Variants in ACACB observed in about 807,000 individuals in gnomAD.
ACACB encodes acetyl-CoA carboxylase beta, also known as acetyl-CoA carboxylase 2.
A neutral mutation model predicts 278.8 loss-of-function variants in ACACB; 209 were observed. The ratio of observed to expected loss-of-function variants is 0.75; its 90% CI spans 0.67 to 0.84. The LOEUF (loss-of-function observed/expected upper bound fraction) is 0.84. Among genes scored for constraint, ACACB ranks in the 40% least tolerant of loss-of-function variants. The probability of loss-of-function intolerance (pLI) is 0.00; values close to 1 mark genes in which losing one functional copy is unlikely to be tolerated. For missense variants in ACACB, 2,850 were observed against 3,269.0 expected, an observed-to-expected ratio of 0.87 and a Z score of 3.13; for synonymous variants, 1,174 against 1,285.6, an observed-to-expected ratio of 0.91 and a Z score of 1.86.
intron 37 of ACACB, among the ~76,000 whole-genome samples, chr12:109,243,431 T>G (rs1430039186): frequency 6.6e-6 from 1 of 152,108 alleles, no homozygotes; most frequent in Non-Finnish European, 1.5e-5. Flanking sequence ...AAACCCCATC[T>G]CTACTAAAAA....
At chr12:109,185,866 C>A in intron 12 of ACACB, 126 bp downstream of exon 12, 1 of 888,144 alleles carries the variant, frequency 1.1e-6, no homozygotes. Flanking sequence ...AATGGGGAAA[C>A]TGAGGCATGG....
chr12:109,172,354 T>C lies in ACACB; in HGVS notation c.1115T>C (p.Leu372Ser), dbSNP rs2044146992. 1 of 1,614,124 alleles carries C rather than the reference T, an allele frequency of 6.2e-7. No homozygotes were observed. The highest frequency in any genetic ancestry group is 8.5e-7 in the Non-Finnish European group (1 of 1,179,984). The change falls in exon 6 of 53, where the codon TTA (leucine) becomes TCA (serine). Residue 372 changes from leucine to serine, a missense_variant and splice_region_variant. Physicochemically the swap from Leu to Ser is moderately radical, Grantham distance 145. Transcript: ENST00000338432. ...ELLCKNGVAF[L>S]GPPSEAMWAL... ...CTGTGCAAGAATGGAGTTGCTTTCT[T>C]AGGTAGAGTGTGTCCCCATCAGATA...
intron 20 of ACACB, among the ~76,000 whole-genome samples, chr12:109,208,869 GTATC>G (rs2045597323): frequency 6.6e-6 from 1 of 152,188 alleles, no homozygotes; most frequent in South Asian, 2.1e-4. Flanking sequence ...CACTAAGCAA[GTATC>G]CTATAAACAT....
Position 109,239,912 on chromosome 12 carries a change from ACACCAGCGTGCGCACCGACT to A in ACACB, c.4746_4765del (p.Asn1582LysfsTer43). The A allele has an allele frequency of 6.2e-7, 1 of 1,614,140 alleles. No individual in the cohort carries two copies. The highest frequency in any genetic ancestry group is 8.5e-7 in the Non-Finnish European group (1 of 1,180,022). ...GACGAGCTGGAGGTGGCGTTCAATAACACCAGCGTGCGCACCGACTGCAACCACATCTTCCTCAACTTCGT... is the reference window on the plus strand; with the variant it reads ...GACGAGCTGGAGGTGGCGTTCAATAAGCAACCACATCTTCCTCAACTTCGT... On this transcript the variant is annotated frameshift_variant, in exon 35 of 53. Coordinates refer to ENST00000338432, the MANE Select transcript of ACACB (RefSeq NM_001093.4). LOFTEE classifies it high-confidence loss of function.
chr12:109,167,337 C>T, intron 3 of ACACB: 1 of 192,010 alleles, frequency 5.2e-6, no homozygotes, highest in Non-Finnish European at 1.1e-5. Flanking sequence ...AATCCCAGCA[C>T]TTTGGGAGGG....
At chr12:109,182,909 C>G (rs1157943843) in intron 11 of ACACB, among the ~76,000 whole-genome samples, 1 of 152,118 alleles carries the variant, frequency 6.6e-6, no homozygotes, top group Non-Finnish European at 1.5e-5. Context: ...CCAATGTTTT[C>G]TTCTAGTAGT....
chr12:109,149,908 C>T (rs777278982), intron 2 of ACACB, among the ~76,000 whole-genome samples: 2 of 152,180 alleles, frequency 1.3e-5, no homozygotes, highest in African/African-American at 4.8e-5. Flanking sequence ...GAGCACAACA[C>T]GCTGGTGGCT....
intron 28 of ACACB, among the ~76,000 whole-genome samples, chr12:109,230,331 C>T (rs2046431682): frequency 6.6e-6 from 1 of 152,198 alleles, no homozygotes; most frequent in African/African-American, 2.4e-5. Flanking sequence ...GGACTGACTG[C>T]TTGCAGCCTG....
At chr12:109,190,300 C>A (rs55769293) in intron 13 of ACACB, among the ~76,000 whole-genome samples, 11 of 152,112 alleles carry the variant, frequency 7.2e-5, no homozygotes, top group African/African-American at 2.2e-4. Flanking sequence ...GTTGGTCAGG[C>A]TGGTCTCGAA....
chr12:109,217,561 G>T (rs892353198), intron 24 of ACACB, among the ~76,000 whole-genome samples: 3 of 152,146 alleles, frequency 2.0e-5, no homozygotes, highest in Admixed American at 6.5e-5. Context: ...CACTTTGGGT[G>T]GCTGAGGCAG....
intron 2 of ACACB, among the ~76,000 whole-genome samples, chr12:109,144,946 A>G (rs928799488): frequency 2.0e-5 from 3 of 151,802 alleles, no homozygotes; most frequent in Non-Finnish European, 4.4e-5. Context: ...TATTTTTAGT[A>G]GAGATGGGGT....
chr12:109,210,382 C>CAT (rs1320019521), intron 21 of ACACB, among the ~76,000 whole-genome samples: 4 of 113,340 alleles, frequency 3.5e-5, no homozygotes, highest in African/African-American at 1.5e-4. Flanking sequence ...CACGCACACA[C>CAT]ATGTGTATAT....
chr12:109,220,110 TATC>T (rs1289990086), intron 24 of ACACB, among the ~76,000 whole-genome samples: 1 of 152,152 alleles, frequency 6.6e-6, no homozygotes, highest in African/African-American at 2.4e-5. Context: ...AGTCATGAAA[TATC>T]ATGTACACCA....
intron 28 of ACACB, among the ~76,000 whole-genome samples, chr12:109,228,658 CAAAAAA>C (rs887136316): frequency 2.8e-5 from 2 of 72,574 alleles, no homozygotes; most frequent in African/African-American, 9.5e-5. Context: ...AACTCTGTCT[CAAAAAA>C]AAAAAAAAAA....
intron 17 of ACACB, 83 bp from the exon 18 acceptor site, chr12:109,199,319 G>C (rs2045250079): frequency 8.2e-7 from 1 of 1,213,842 alleles, no homozygotes; most frequent in African/African-American, 1.6e-5. Flanking sequence ...TTAGGAAGGG[G>C]AAATGGTATT....
chr12:109,119,370 A>C (rs2042483003), intron 1 of ACACB, among the ~76,000 whole-genome samples: 1 of 151,334 alleles, frequency 6.6e-6, no homozygotes, highest in African/African-American at 2.4e-5. Flanking sequence ...GAGCTAGATC[A>C]CTTGAGGTCA....
At chr12:109,111,646 C>T (rs1376864976), upstream of ACACB, among the ~76,000 whole-genome samples, 1 of 151,172 alleles carries the variant, frequency 6.6e-6, no homozygotes, top group Non-Finnish European at 1.5e-5. Flanking sequence ...ACCTCTGCCT[C>T]CAGGGGTCAA....
Position 109,209,244 on chromosome 12 carries a change from C to G in ACACB, c.3140C>G (p.Thr1047Ser). Residue 1047 changes from threonine (T) to serine (S), a missense_variant, in exon 21 of 53, where the codon ACC becomes AGC. Transcript: ENST00000338432. ...LPLLELQEIMTSVAGRIPAPV... is the reference protein window; with the variant it reads ...LPLLELQEIMSSVAGRIPAPV... ...CTGCTGGAGCTGCAGGAGATCATGA[C>G]CAGCGTGGCAGGCCGCATCCCCGCC... 2.5e-6 allele frequency: 4 copies of G among 1,611,432 alleles called. No homozygotes were observed. Among genetic ancestry groups the G allele is most frequent in the Non-Finnish European group, 3.4e-6 (4 of 1,179,566 alleles).
intron 35 of ACACB, among the ~76,000 whole-genome samples, 195 bp downstream of exon 35, chr12:109,240,180 CACGGGAAT>C (rs1374200809): frequency 6.6e-6 from 1 of 152,206 alleles, no homozygotes; most frequent in Non-Finnish European, 1.5e-5. Flanking sequence ...CCATGCCCTG[CACGGGAAT>C]GCTTTACTTT....
Sources: gnomAD v4.1 joint callset for allele counts (sites outside exome capture counted in the v4.1 genomes callset) on GRCh38, gnomAD v4.1.1 for gene constraint, MANE v1.5 for transcripts, NCBI Gene and HGNC (gene_info 2026-07-23, HGNC 2026-07-21) for gene names.